SOX6: variants seen among roughly 807,000 people sequenced by gnomAD.
SOX6 encodes the protein SRY-box transcription factor 6.
SOX6 carries 11 observed loss-of-function variants against 97.8 expected under a neutral mutation model. The ratio of observed to expected loss-of-function variants is 0.11; its 90% CI spans 0.07 to 0.19. The LOEUF (loss-of-function observed/expected upper bound fraction) is 0.19, where lower values mean the gene tolerates loss of function less well. SOX6 is among the 10% of genes least tolerant of loss of function. The probability of loss-of-function intolerance (pLI) is 1.00; values close to 1 mark genes in which losing one functional copy is unlikely to be tolerated. For synonymous variants in SOX6, 360 were observed against 371.4 expected (o/e 0.97, Z 0.35); for missense variants, 810 against 1,039.5 (o/e 0.78, Z 3.04).
intron 4 of SOX6, among the ~76,000 whole-genome samples, chr11:16,591,952 CTG>C (rs1015309714): frequency 3.9e-5 from 6 of 152,106 alleles, no homozygotes; most frequent in African/African-American, 1.4e-4. Context: ...CTTCATCACA[CTG>C]TGTTAAACTG....
intron 9 of SOX6, among the ~76,000 whole-genome samples, chr11:16,082,214 A>G (rs1278466704): frequency 6.6e-6 from 1 of 152,172 alleles, no homozygotes; most frequent in Non-Finnish European, 1.5e-5. Context: ...TGTGAATGTG[A>G]AAAAGGGACA....
At chr11:16,389,988 A>AAAC in intron 1 of SOX6, among the ~76,000 whole-genome samples, 1 of 149,376 alleles carries the variant, frequency 6.7e-6, no homozygotes, top group Non-Finnish European at 1.5e-5. Flanking sequence ...AAAAAAAAAA[A>AAAC]AAAAAAAAGA....
At chr11:16,105,043 T>C (rs990469617) in intron 7 of SOX6, among the ~76,000 whole-genome samples, 16 of 152,154 alleles carry the variant, frequency 1.1e-4, no homozygotes, top group African/African-American at 3.9e-4. Flanking sequence ...ATTCATTTTA[T>C]AAGGCTAACA....
chr11:16,096,167 C>A, intron 8 of SOX6, 49 bp from the exon 9 acceptor site: 1 of 1,590,324 alleles, frequency 6.3e-7, no homozygotes, highest in South Asian at 1.1e-5. Context: ...AACATACTGT[C>A]AGAACTCATG....
At position 16,231,439 on chromosome 11, in the gene SOX6, T is replaced by C. The variant is rs147188642; in HGVS notation, c.535+3143A>G. On this transcript the variant is annotated intron_variant, in intron 4 of 15. Transcript: ENST00000683767. ...ACTCATTAAATCAACAATGATATGT[T>C]TTTTCCCCTATAAAAATGGCAAGAA... Among the ~76,000 whole-genome samples, 13 of 151,812 alleles carry C rather than the reference T, an allele frequency of 8.6e-5. No individual in the cohort carries two copies. In the East Asian group the frequency reaches 1.7e-3, roughly 20 times the overall value.
chr11:16,314,319 TC>T, intron 3 of SOX6: 1 of 152,244 alleles, frequency 6.6e-6, no homozygotes, highest in South Asian at 2.1e-4. Flanking sequence ...TCTATATAAA[TC>T]CTTTCATTCT....
At chr11:16,088,279 C>T (rs1848617108) in intron 9 of SOX6, among the ~76,000 whole-genome samples, 1 of 152,076 alleles carries the variant, frequency 6.6e-6, no homozygotes, top group Admixed American at 6.5e-5. Flanking sequence ...AATTGATGAG[C>T]CTACATTGAC....
intron 6 of SOX6, among the ~76,000 whole-genome samples, chr11:16,135,159 GA>G (rs36023545): frequency 1.3e-5 from 2 of 150,666 alleles, no homozygotes; most frequent in East Asian, 3.9e-4. Context: ...CTACTGCTCA[GA>G]AAAAAAAAGA....
chr11:15,969,006 T>C lies in SOX6; in HGVS notation c.*3803A>G, dbSNP rs1388762573. 4 of 152,040 alleles carry C rather than the reference T, an allele frequency of 2.6e-5. No homozygotes were observed. The highest frequency in any genetic ancestry group is 6.6e-5 in the Admixed American group (1 of 15,262). The allele number at this position is 152,040 out of a possible 1,614,324, so 9.4% of individuals were successfully genotyped here. On this transcript the variant is annotated 3_prime_UTR_variant, in exon 16 of 16. Transcript: ENST00000683767. ...CGTATCCGCAAAGCGACCTTTTTTT[T>C]CTCTCTCCCTTCCTACTTTTTTCCT...
intron 4 of SOX6, among the ~76,000 whole-genome samples, chr11:16,546,691 A>G (rs565903044): frequency 6.6e-6 from 1 of 152,292 alleles, no homozygotes; most frequent in East Asian, 1.9e-4. Flanking sequence ...GTGCTTCAGG[A>G]CACGATCTAG....
intron 3 of SOX6, among the ~76,000 whole-genome samples, chr11:16,265,956 T>C (rs1485044362): frequency 6.6e-6 from 1 of 151,626 alleles, no homozygotes; most frequent in Non-Finnish European, 1.5e-5. Flanking sequence ...TGTGAGACAA[T>C]ATCAAGTGGT....
chr11:16,716,087 T>C (rs1381758367), intron 2 of SOX6, among the ~76,000 whole-genome samples: 1 of 151,986 alleles, frequency 6.6e-6, no homozygotes, highest in Admixed American at 6.6e-5. Context: ...ATACAAAAAT[T>C]TATCCAGGCA....
intron 2 of SOX6, among the ~76,000 whole-genome samples, chr11:16,720,243 C>A (rs895644085): frequency 6.7e-6 from 1 of 148,378 alleles, no homozygotes; most frequent in African/African-American, 2.5e-5. Flanking sequence ...CACATGCACA[C>A]GTATGTTTAT....
chr11:16,056,296 TAAGA>T (rs1312443896), intron 9 of SOX6, among the ~76,000 whole-genome samples: 2 of 152,168 alleles, frequency 1.3e-5, no homozygotes, highest in Non-Finnish European at 2.9e-5. Flanking sequence ...ATTCATGAAT[TAAGA>T]AACTAACCTG....
At chr11:16,696,818 G>C (rs1456991580) in intron 3 of SOX6, among the ~76,000 whole-genome samples, 1 of 152,108 alleles carries the variant, frequency 6.6e-6, no homozygotes, top group Non-Finnish European at 1.5e-5. Flanking sequence ...AGACAACAAT[G>C]AAGTTTGCCA....
chr11:16,134,405 T>G (rs1849901475), intron 6 of SOX6, among the ~76,000 whole-genome samples: 1 of 152,212 alleles, frequency 6.6e-6, no homozygotes, highest in South Asian at 2.1e-4. Flanking sequence ...GAAAACTTCT[T>G]GAAGAAGGTG....
chr11:16,594,546 C>T (rs1023595080), intron 4 of SOX6, among the ~76,000 whole-genome samples: 13 of 151,964 alleles, frequency 8.6e-5, no homozygotes, highest in Non-Finnish European at 1.8e-4. Context: ...AATTTTCCTT[C>T]CATATGTATT....
intron 2 of SOX6, among the ~76,000 whole-genome samples, chr11:16,728,053 G>C (rs556621060): frequency 6.6e-6 from 1 of 152,214 alleles, no homozygotes; most frequent in East Asian, 1.9e-4. Context: ...TCCACTCTGG[G>C]CAGGGCATTT....
intron 6 of SOX6, among the ~76,000 whole-genome samples, chr11:16,126,913 C>A (rs1590212627): frequency 6.6e-6 from 1 of 152,118 alleles, no homozygotes; most frequent in East Asian, 1.9e-4. Context: ...TTTGTTCCTG[C>A]CAGCATAAAC....
Sources: allele counts gnomAD v4.1 joint callset (sites outside exome capture counted in the v4.1 genomes callset), GRCh38; gene constraint gnomAD v4.1.1; transcripts MANE v1.5; gene names NCBI Gene and HGNC (gene_info 2026-07-23, HGNC 2026-07-21).